LRRK1: variants seen among roughly 807,000 people sequenced by gnomAD.
LRRK1 encodes leucine rich repeat kinase 1.
LRRK1 carries 113 observed loss-of-function variants against 209.1 expected under a neutral mutation model. That is an observed-to-expected ratio of 0.54 (90% CI 0.46 to 0.63). The LOEUF (loss-of-function observed/expected upper bound fraction) is 0.63, where lower values mean the gene tolerates loss of function less well. LRRK1 is among the 30% of genes least tolerant of loss of function. The probability of loss-of-function intolerance (pLI) is 0.00; values close to 1 mark genes in which losing one functional copy is unlikely to be tolerated. For synonymous variants in LRRK1, 1,144 were observed against 1,099.7 expected, an observed-to-expected ratio of 1.04 and a Z score of -0.80; for missense variants, 2,284 against 2,632.2, an observed-to-expected ratio of 0.87 and a Z score of 2.89.
chr15:100,996,255 G>A (rs181032038), intron 6 of LRRK1, among the ~76,000 whole-genome samples: 6 of 152,344 alleles, frequency 3.9e-5, no homozygotes, highest in African/African-American at 1.2e-4. Flanking sequence ...CCGCCCTGGC[G>A]CCACATACCC....
At position 101,065,635 on chromosome 15, in the gene LRRK1, C is replaced by A; in HGVS notation, c.5198C>A (p.Pro1733His). 1 of 1,614,166 alleles carries A rather than the reference C, an allele frequency of 6.2e-7. No homozygotes were observed. Among genetic ancestry groups the A allele is most frequent in the Non-Finnish European group, 8.5e-7 (1 of 1,180,028 alleles). Residue 1733 changes from proline (P) to histidine (H), a missense_variant, in exon 32 of 34, where the codon CCC (proline) becomes CAC (histidine). This residue lies in a region of LRRK1 where 643 missense variants were observed against 695.9 expected (regional missense o/e 0.92). Coordinates refer to ENST00000388948, the MANE Select transcript of LRRK1 (RefSeq NM_024652.6). Reference sequence around the variant, plus strand: ...AGGCGGCTGGAGCCCTACATGGCCCCCTCCATGGTTACGTCAGTCGTGTGC... The same window carrying A: ...AGGCGGCTGGAGCCCTACATGGCCCACTCCATGGTTACGTCAGTCGTGTGC... ...ICRRLEPYMA[P>H]SMVTSVVCSS...
At chr15:101,052,889 G>C in intron 24 of LRRK1, 33 bp from the exon 25 acceptor site, 1 of 1,595,050 alleles carries the variant, frequency 6.3e-7, no homozygotes, top group East Asian at 2.3e-5. Context: ...TCAGGGCGGG[G>C]GGGATGTGGC....
In LRRK1 at chr15:101,027,551, A is replaced by G; in HGVS notation, c.2527-87A>G. 1 of 1,541,364 alleles carries G rather than the reference A, an allele frequency of 6.5e-7. No individual in the cohort carries two copies. The highest frequency in any genetic ancestry group is 8.8e-7 in the Non-Finnish European group (1 of 1,138,618). ...GTGGGTGGAAACGTCCCACCCCCTC[A>G]GGCCACAGGGGCCGGGCAGGATCTG... On this transcript the variant is annotated intron_variant, in intron 18 of 33. Coordinates refer to ENST00000388948, the MANE Select transcript of LRRK1 (RefSeq NM_024652.6). This position sits in a 1 kb window ranked among gnomAD's most constrained non-coding sequence, Gnocchi z 5.1.
chr15:100,983,851 T>A lies in LRRK1; in HGVS notation c.433+152T>A, dbSNP rs777232627. The A allele has an allele frequency of 6.1e-6, 5 of 815,164 alleles. No individual in the cohort carries two copies. The Admixed American group carries it at 8.5e-5, about 14-fold the overall frequency. 50.5% of individuals were successfully genotyped at this position (815,164 alleles called of 1,614,324 possible). ...ACACCCAAACAAAGTGAAGCTTGCC[T>A]GCCAGCCACATTCCACCTCTCACTC... On this transcript the variant is annotated intron_variant, in intron 4 of 33. Coordinates refer to ENST00000388948, the MANE Select transcript of LRRK1 (RefSeq NM_024652.6).
chr15:101,003,714 A>G (rs1369557063), intron 6 of LRRK1, among the ~76,000 whole-genome samples: 1 of 152,230 alleles, frequency 6.6e-6, no homozygotes, highest in Admixed American at 6.5e-5. Context: ...GCCTCCCACA[A>G]CACATAGGAA....
chr15:100,922,738 G>T (rs1315594131), intron 1 of LRRK1, among the ~76,000 whole-genome samples: 2 of 152,162 alleles, frequency 1.3e-5, no homozygotes, highest in Non-Finnish European at 2.9e-5. Context: ...ATTTTGCCCA[G>T]ATTGATCGTT....
intron 2 of LRRK1, among the ~76,000 whole-genome samples, chr15:100,962,819 ATATAT>A (rs1231425840): frequency 9.0e-4 from 17 of 18,848 alleles, no homozygotes; most frequent in Admixed American, 4.7e-3. Flanking sequence ...ATATATATAT[ATATAT>A]TTTTTTTTTT....
At chr15:101,014,748 T>C (rs2033448471) in intron 11 of LRRK1, among the ~76,000 whole-genome samples, 1 of 152,214 alleles carries the variant, frequency 6.6e-6, no homozygotes, top group African/African-American at 2.4e-5. Context: ...TCGGATTGGA[T>C]TAGAGTCCAT....
In LRRK1 at chr15:101,077,529, C is replaced by G. The variant is rs1262903277; in HGVS notation, c.*8681C>G. The G allele has an allele frequency of 1.3e-5, 2 of 152,156 alleles. No individual in the cohort carries two copies. The highest frequency in any genetic ancestry group is 2.9e-5 in the Non-Finnish European group (2 of 68,034). 9.4% of individuals were successfully genotyped at this position (152,156 alleles called of 1,614,324 possible). A position where few individuals can be genotyped will look rare whatever the true frequency, so the allele number is the denominator to read the frequency against. On this transcript the variant is annotated 3_prime_UTR_variant, in exon 34 of 34. Coordinates refer to ENST00000388948, the MANE Select transcript of LRRK1 (RefSeq NM_024652.6). ...ATCTCAATTCTTAGACCTTTTATAC[C>G]TGTTTTTCTCCTTTACTTATTCCGT... is the stretch of plus-strand genomic sequence containing the variant.
At chr15:100,961,033 C>A (rs563581401) in intron 2 of LRRK1, among the ~76,000 whole-genome samples, 31 of 152,268 alleles carry the variant, frequency 2.0e-4, no homozygotes, top group Middle Eastern at 6.8e-3. Context: ...ATGCCAGAGA[C>A]TGGGTAATTT....
chr15:101,046,113 A>G lies in LRRK1; in HGVS notation c.3096A>G (p.Ile1032Met), dbSNP rs1247301494. 1.2e-5 allele frequency: 20 copies of G among 1,614,150 alleles called. No homozygotes were observed. The highest frequency in any genetic ancestry group is 1.7e-5 in the Non-Finnish European group (20 of 1,180,058). The change falls in exon 21 of 34, where the codon ATA (isoleucine) becomes ATG (methionine). Residue 1032 changes from isoleucine to methionine, a missense_variant. Ile to Met is a conservative substitution (Grantham distance 10). Transcript: ENST00000388948. ...FVPVGFWQRFIARMLISLAEM... is the reference protein window; with the variant it reads ...FVPVGFWQRFMARMLISLAEM... ...CCGTTGGCTTCTGGCAAAGGTTTATAGCACGGATGCTGATCAGCCTGGCGG... is the reference window on the plus strand; with the variant it reads ...CCGTTGGCTTCTGGCAAAGGTTTATGGCACGGATGCTGATCAGCCTGGCGG...
chr15:101,012,229 C>G (rs895969719), intron 10 of LRRK1, 84 bp downstream of exon 10: 83 of 1,162,784 alleles, frequency 7.1e-5, no homozygotes, highest in Non-Finnish European at 9.9e-5. Flanking sequence ...TGTGCTTTTC[C>G]TGAGCTTCTG....
intron 24 of LRRK1, among the ~76,000 whole-genome samples, chr15:101,052,418 G>A (rs1042621425): frequency 9.6e-6 from 1 of 104,610 alleles, no homozygotes; most frequent in South Asian, 2.6e-4. Flanking sequence ...ACTCCTGTCT[G>A]TAGCCCTAGC....
chr15:101,042,596 T>A (rs745576382), intron 20 of LRRK1, among the ~76,000 whole-genome samples: 2 of 152,148 alleles, frequency 1.3e-5, no homozygotes, highest in African/African-American at 4.8e-5. Flanking sequence ...CCCTCAGTTA[T>A]GCTGTCAGCC....
At chr15:100,982,434 T>G (rs905454014) in intron 3 of LRRK1, among the ~76,000 whole-genome samples, 12 of 152,256 alleles carry the variant, frequency 7.9e-5, no homozygotes, top group Admixed American at 5.2e-4. Flanking sequence ...GATAGCCACT[T>G]ACTAGCTATG....
chr15:101,056,739 T>C, intron 27 of LRRK1, 117 bp from the exon 28 acceptor site: 1 of 721,380 alleles, frequency 1.4e-6, no homozygotes, highest in Non-Finnish European at 2.2e-6. Context: ...TCAGGTGGTT[T>C]GTTGAATGTT....
At chr15:101,030,615 G>C (rs573519598) in intron 20 of LRRK1, among the ~76,000 whole-genome samples, 30 of 152,064 alleles carry the variant, frequency 2.0e-4, no homozygotes, top group East Asian at 3.9e-4. Flanking sequence ...GGCACTCTAG[G>C]CTCCAAATTC....
At chr15:100,940,459 G>A (rs958920477) in intron 2 of LRRK1, among the ~76,000 whole-genome samples, 3 of 151,878 alleles carry the variant, frequency 2.0e-5, no homozygotes, top group Non-Finnish European at 4.4e-5. Context: ...CTCTGCTCCC[G>A]GCCTCCTTGT....
chr15:101,055,324 T>A (rs2035735113), intron 27 of LRRK1, 101 bp downstream of exon 27: 19 of 1,162,912 alleles, frequency 1.6e-5, no homozygotes, highest in Non-Finnish European at 2.1e-5. Flanking sequence ...GGGCTCAGCA[T>A]CCCCAAAAGC....
Sources: gnomAD v4.1 joint callset for allele counts (sites outside exome capture counted in the v4.1 genomes callset) on GRCh38, gnomAD v4.1.1 for gene constraint, gnomAD v4.1.1 regional missense constraint, Gnocchi (gnomAD v3.1) non-coding constraint, MANE v1.5 for transcripts, NCBI Gene and HGNC (gene_info 2026-07-23, HGNC 2026-07-21) for gene names.